GINM1: variants seen among roughly 807,000 people sequenced by gnomAD.
GINM1 encodes the protein glycosylated integral membrane protein 1.
In GINM1, 29 loss-of-function variants were observed where a neutral mutation model predicts 37.8. That is an observed-to-expected ratio of 0.77 (90% confidence interval 0.57 to 1.05). The LOEUF is 1.05. GINM1 is among the 50% of genes least tolerant of loss of function. The pLI is 0.00. For missense variants in GINM1, 377 were observed against 397.9 expected, an observed-to-expected ratio of 0.95 and a Z score of 0.45; for synonymous variants, 143 against 146.2, an observed-to-expected ratio of 0.98 and a Z score of 0.16.
intron 4 of GINM1, among the ~76,000 whole-genome samples, 186 bp from the exon 5 acceptor site, chr6:149,579,648 C>T (rs1777967885): frequency 6.6e-6 from 1 of 150,440 alleles, no homozygotes; most frequent in African/African-American, 2.5e-5. Flanking sequence ...GCTGAGATCG[C>T]ACCATTGCAC....
At chr6:149,583,787 A>T (rs977565741) in intron 7 of GINM1, among the ~76,000 whole-genome samples, 1 of 152,172 alleles carries the variant, frequency 6.6e-6, no homozygotes, top group African/African-American at 2.4e-5. Flanking sequence ...CAAAAGTATT[A>T]TGTGTATATA....
Position 149,580,701 on chromosome 6 carries a change from C to G in GINM1, c.695C>G (p.Ala232Gly). 6.2e-7 allele frequency: 1 copy of G among 1,613,666 alleles called. No individual in the cohort carries two copies. Among genetic ancestry groups the G allele is most frequent in the Non-Finnish European group, 8.5e-7 (1 of 1,179,696 alleles). ...AAGTTACCTGAAACTCCTCTCAGAG[C>G]AGAGCCGCCATCTTCATATAAGGTA... ...PGKLPETPLR[A>G]EPPSSYKVMC... is the part of the protein sequence containing the mutation. Residue 232 changes from alanine to glycine, a missense_variant, in exon 6 of 8, where the codon GCA (alanine) becomes GGA (glycine). Physicochemically the swap from Ala to Gly is moderately conservative, Grantham distance 60 (BLOSUM62 0). Coordinates refer to ENST00000367419, the MANE Select transcript of GINM1 (RefSeq NM_138785.5).
intron 3 of GINM1, among the ~76,000 whole-genome samples, chr6:149,574,348 G>A (rs529124696): frequency 2.0e-5 from 3 of 152,036 alleles, no homozygotes; most frequent in Admixed American, 6.6e-5. Context: ...CACCGTGCCC[G>A]GCCCACTTGT....
intron 7 of GINM1, chr6:149,584,398 C>T (rs1778042354): frequency 6.6e-6 from 1 of 152,148 alleles, no homozygotes; most frequent in African/African-American, 2.4e-5. Context: ...AAAAGAAGAC[C>T]TAATTTGAAC....
Position 149,566,680 on chromosome 6 carries a change from A to G in GINM1, c.120+146A>G. 8.8e-7 allele frequency: 1 copy of G among 1,139,290 alleles called. No homozygotes were observed. The highest frequency in any genetic ancestry group is 1.2e-6 in the Non-Finnish European group (1 of 860,300). 70.6% of individuals were successfully genotyped at this position (1,139,290 alleles called of 1,614,324 possible). A position where few individuals can be genotyped will look rare whatever the true frequency, so the allele number is the denominator to read the frequency against. Reference sequence around the variant, plus strand: ...AAGGAGGTGTGGGGAGAAGCACCCCAGGAAATGGGGGCGGCGTGGGAGGCC... The same window carrying G: ...AAGGAGGTGTGGGGAGAAGCACCCCGGGAAATGGGGGCGGCGTGGGAGGCC... On this transcript the variant is annotated intron_variant, in intron 1 of 7. Coordinates refer to ENST00000367419, the MANE Select transcript of GINM1 (RefSeq NM_138785.5). This position sits in a 1 kb window ranked among gnomAD's most constrained non-coding sequence, Gnocchi z 4.4.
intron 1 of GINM1, among the ~76,000 whole-genome samples, chr6:149,570,102 CT>C (rs1777786933): frequency 8.5e-6 from 1 of 117,430 alleles, no homozygotes; most frequent in Admixed American, 1.0e-4. Flanking sequence ...TGTTAATTGT[CT>C]TTTTCAAACT....
At chr6:149,567,518 G>GT (rs1483156287) in intron 1 of GINM1, among the ~76,000 whole-genome samples, 1 of 152,168 alleles carries the variant, frequency 6.6e-6, no homozygotes, top group Non-Finnish European at 1.5e-5. Context: ...GCAGGTGCCT[G>GT]TAGTCCCAGC....
chr6:149,567,386 C>T (rs1777738568), intron 1 of GINM1, among the ~76,000 whole-genome samples: 2 of 152,186 alleles, frequency 1.3e-5, no homozygotes, highest in Admixed American at 6.5e-5. Flanking sequence ...ACACCTCTTC[C>T]TAGTCAAGAC....
rs1489062480 is a variant in GINM1, at chr6:149,570,196, AT to A, written c.121-2088del. On this transcript the variant is annotated intron_variant, in intron 1 of 7. Transcript: ENST00000367419. The stretch of plus-strand genomic sequence containing the variant: ...TATATATATATATATATATATATAT[AT>A]AAAGTTCAGTAACTTGCTAACAATA... Among the ~76,000 whole-genome samples the A allele has an allele frequency of 3.2e-4, 33 of 104,744 alleles. 1 individual carries two copies. The highest frequency in any genetic ancestry group is 5.2e-4 in the Non-Finnish European group (27 of 52,192). The allele number at this position is 104,744 out of a possible 152,430, so 68.7% of individuals were successfully genotyped here. A position where few individuals can be genotyped will look rare whatever the true frequency, so the allele number is the denominator to read the frequency against.
chr6:149,567,589 C>T (rs560222392), intron 1 of GINM1, among the ~76,000 whole-genome samples: 41 of 152,118 alleles, frequency 2.7e-4, no homozygotes, highest in Non-Finnish European at 4.7e-4. Flanking sequence ...TGCAGTGAGC[C>T]GAGATCGTGC....
rs1213218961 is a variant in GINM1 at position 149,566,447 on chromosome 6, C to G, written c.33C>G (p.Leu11=). ...GCGCTCCACCGGGGTCGCTCGCCCT[C>G]CGGCTCCTGCTGTTCGTGGCGCTAC... is the stretch of plus-strand genomic sequence containing the variant. MEGAPPGSLA[L]RLLLFVALPA... is the part of the protein sequence containing the mutation. Residue 11 remains leucine (L), a synonymous_variant, in exon 1 of 8, where the codon CTC becomes CTG. Transcript: ENST00000367419. This position sits in a 1 kb window ranked among gnomAD's most constrained non-coding sequence, Gnocchi z 4.4. 5 of 1,574,728 alleles carry G rather than the reference C, an allele frequency of 3.2e-6. No homozygotes were observed. Among genetic ancestry groups the G allele is most frequent in the Non-Finnish European group, 4.3e-6 (5 of 1,171,008 alleles).
rs549791771 is a variant in GINM1 at position 149,570,136 on chromosome 6, TTATATATATATATATATATATATATATA to T, written c.121-2114_121-2087del. Among the ~76,000 whole-genome samples the T allele has an allele frequency of 9.3e-3, 426 of 45,822 alleles. 9 individuals carry two copies. The highest frequency in any genetic ancestry group is 0.013 in the Non-Finnish European group (287 of 22,560). The allele number at this position is 45,822 out of a possible 152,430, so 30.1% of individuals were successfully genotyped here. On this transcript the variant is annotated intron_variant, in intron 1 of 7. Coordinates refer to ENST00000367419, the MANE Select transcript of GINM1 (RefSeq NM_138785.5). ...ACTCTGTAATTTTACTAGGTAGGTT[TTATATATATATATATATATATATATATA>T]TATATATATATATATATATATATAT...
chr6:149,588,089 A>G lies in GINM1; in HGVS notation c.882-2638A>G, dbSNP rs866301830. On this transcript the variant is annotated intron_variant, in intron 7 of 7. Coordinates refer to ENST00000367419, the MANE Select transcript of GINM1 (RefSeq NM_138785.5). ...ATGTTAATCCCAATAATGTTCTAGTATACATCCTTGCACATATATTTCTTT... is the reference window on the plus strand; with the variant it reads ...ATGTTAATCCCAATAATGTTCTAGTGTACATCCTTGCACATATATTTCTTT... 1.9e-4 allele frequency among the ~76,000 whole-genome samples: 29 copies of G among 152,360 alleles called. No individual in the cohort carries two copies. The South Asian group carries it at 5.6e-3, about 29-fold the overall frequency.
Position 149,591,290 on chromosome 6 carries a change from T to G in GINM1, c.*452T>G, listed in dbSNP as rs1778152018. ...CTGGGTGACAGAGCGAGACTCTGTT[T>G]CAAAAAAAAAAAAGTTGACCTTATT... On this transcript the variant is annotated 3_prime_UTR_variant, in exon 8 of 8. Transcript: ENST00000367419. The G allele has an allele frequency of 6.8e-6, 1 of 147,276 alleles. No individual in the cohort carries two copies. Among genetic ancestry groups the G allele is most frequent in the African/African-American group, 2.7e-5 (1 of 37,216 alleles). 9.1% of individuals were successfully genotyped at this position (147,276 alleles called of 1,614,324 possible).
chr6:149,580,772 G>C, intron 6 of GINM1, 49 bp downstream of exon 6: 4 of 1,418,514 alleles, frequency 2.8e-6, no homozygotes, highest in Non-Finnish European at 1.9e-6. Context: ...TTAAGATGAA[G>C]AAAATCGACC....
At chr6:149,587,913 A>G (rs557499329) in intron 7 of GINM1, among the ~76,000 whole-genome samples, 2 of 152,316 alleles carry the variant, frequency 1.3e-5, no homozygotes, top group East Asian at 3.9e-4. Context: ...ATTAGCATCC[A>G]AAAGATACTT....
intron 7 of GINM1, among the ~76,000 whole-genome samples, chr6:149,582,840 ACT>A (rs1778021865): frequency 1.3e-5 from 2 of 152,162 alleles, no homozygotes; most frequent in Admixed American, 6.5e-5. Flanking sequence ...AGTAAGACAA[ACT>A]CTGCTAAGAA....
chr6:149,590,699 G>C, intron 7 of GINM1, 28 bp from the exon 8 acceptor site: 1 of 1,131,842 alleles, frequency 8.8e-7, no homozygotes, highest in Non-Finnish European at 1.3e-6. Flanking sequence ...ATTTAATTTT[G>C]ATAGTAATTA....
In GINM1 at chr6:149,578,709, G is replaced by A. The variant is rs1777953337; in HGVS notation, c.278-113G>A. The stretch of plus-strand genomic sequence containing the variant: ...GAGGTCAGGGATGAAGAAAGCCAAA[G>A]AAATGGGTTTTCAACTGTCTTGTTC... On this transcript the variant is annotated intron_variant, in intron 3 of 7. Transcript: ENST00000367419. The A allele has an allele frequency of 9.0e-6, 6 of 669,120 alleles. No individual in the cohort carries two copies. The South Asian group carries it at 1.5e-4, about 16-fold the overall frequency. 41.4% of individuals were successfully genotyped at this position (669,120 alleles called of 1,614,324 possible). A position where few individuals can be genotyped will look rare whatever the true frequency, so the allele number is the denominator to read the frequency against.
Sources: gnomAD v4.1 joint callset for allele counts (sites outside exome capture counted in the v4.1 genomes callset) on GRCh38, gnomAD v4.1.1 for gene constraint, Gnocchi (gnomAD v3.1) non-coding constraint, MANE v1.5 for transcripts, NCBI Gene and HGNC (gene_info 2026-07-23, HGNC 2026-07-21) for gene names.